Variants in RNF130 observed in about 807,000 individuals in gnomAD.
The protein encoded by RNF130 is E3 ubiquitin-protein ligase RNF130.
Under a neutral mutation model 44.6 loss-of-function variants are expected in RNF130, and 21 were observed. The observed-to-expected ratio is 0.47, with a 90% CI of 0.33 to 0.68. The LOEUF (loss-of-function observed/expected upper bound fraction) is 0.68, where lower values mean the gene tolerates loss of function less well. Among genes scored for constraint, RNF130 ranks in the 30% least tolerant of loss-of-function variants. The probability of loss-of-function intolerance (pLI) is 0.02; values close to 1 mark genes in which losing one functional copy is unlikely to be tolerated. For synonymous variants in RNF130, 214 were observed against 210.4 expected, an observed-to-expected ratio of 1.02 and a Z score of -0.15; for missense variants, 479 against 560.6, an observed-to-expected ratio of 0.85 and a Z score of 1.47.
At chr5:180,004,158 TCCAGC>T (rs1405104512) in intron 3 of RNF130, among the ~76,000 whole-genome samples, 1 of 152,204 alleles carries the variant, frequency 6.6e-6, no homozygotes, top group East Asian at 1.9e-4. Context: ...TAAAAAGTGC[TCCAGC>T]CCCTAAAAGG....
chr5:180,034,466 A>C (rs1764203844), intron 2 of RNF130, among the ~76,000 whole-genome samples: 1 of 152,090 alleles, frequency 6.6e-6, no homozygotes, highest in Admixed American at 6.6e-5. Context: ...TATTTGATAG[A>C]CTGCACCAGC....
chr5:179,930,992 C>G (rs578089324), intron 7 of RNF130, among the ~76,000 whole-genome samples: 1 of 146,564 alleles, frequency 6.8e-6, no homozygotes, highest in South Asian at 2.1e-4. Flanking sequence ...GAGATTGCAC[C>G]ACTGCTCTCC....
At position 179,966,939 on chromosome 5, in the gene RNF130, T is replaced by A; in HGVS notation, c.1017A>T (p.Arg339=). The part of the protein sequence containing the change: ...ERLTRTQAVN[R]RSALGDLAGD... ...CGGCGAGGTCGCCGAGGGCTGATCT[T>A]CGGTTAACAGCTTGGGTTCTGGTGA... Residue 339 remains arginine, a synonymous_variant, in exon 7 of 9, where the codon CGA becomes CGT. Coordinates refer to ENST00000521389, the MANE Select transcript of RNF130 (RefSeq NM_018434.6). The A allele has an allele frequency of 1.2e-6, 2 of 1,614,246 alleles. No individual in the cohort carries two copies. The highest frequency in any genetic ancestry group is 1.7e-6 in the Non-Finnish European group (2 of 1,180,038).
intron 7 of RNF130, among the ~76,000 whole-genome samples, chr5:179,939,053 A>AC (rs1384039867): frequency 1.6e-4 from 25 of 152,026 alleles, no homozygotes; most frequent in Non-Finnish European, 2.8e-4. Flanking sequence ...ACATGGTGAG[A>AC]CCCCATCTCT....
intron 7 of RNF130, among the ~76,000 whole-genome samples, chr5:179,930,202 C>T (rs1175566924): frequency 6.6e-6 from 1 of 152,034 alleles, no homozygotes; most frequent in Non-Finnish European, 1.5e-5. Context: ...GGATTACAGG[C>T]ATCTGCCACC....
At chr5:179,935,590 A>G (rs1301104652) in intron 7 of RNF130, among the ~76,000 whole-genome samples, 2 of 151,952 alleles carry the variant, frequency 1.3e-5, no homozygotes, top group East Asian at 3.8e-4. Context: ...CATTACTAAC[A>G]TGTTGGGACT....
exon 8 of RNF130, chr5:179,918,634 CA>C (rs1761585122): frequency 6.6e-6 from 1 of 152,116 alleles, no homozygotes; most frequent in South Asian, 2.1e-4. Context: ...TGAAGCTGCT[CA>C]TTGAAAATAT....
At chr5:180,049,992 GCT>G (rs1409124033) in intron 1 of RNF130, among the ~76,000 whole-genome samples, 1 of 152,020 alleles carries the variant, frequency 6.6e-6, no homozygotes, top group African/African-American at 2.4e-5. Context: ...ATACCTCAAG[GCT>G]CTTAGTTTCC....
At chr5:179,991,384 T>C (rs1763078977) in intron 3 of RNF130, among the ~76,000 whole-genome samples, 1 of 152,270 alleles carries the variant, frequency 6.6e-6, no homozygotes, top group Non-Finnish European at 1.5e-5. Flanking sequence ...AATGACTAGA[T>C]GTCTTGCTAA....
In RNF130 at chr5:179,960,937, C is replaced by T. The variant is rs140967920; in HGVS notation, c.1244+2534G>A. On this transcript the variant is annotated intron_variant, in intron 8 of 8. Transcript: ENST00000521389. ...TAGATGTTGAAAAATTCATTAATAA[C>T]GAATAATTACAAATTTGTTTGCTAA... Among the ~76,000 whole-genome samples, 490 of 151,684 alleles carry T rather than the reference C, an allele frequency of 3.2e-3. 1 individual carries two copies. The highest frequency in any genetic ancestry group is 4.4e-3 in the Non-Finnish European group (301 of 67,866).
chr5:179,920,406 T>G (rs183617585), exon 8 of RNF130: 279 of 702,264 alleles, frequency 4.0e-4, no homozygotes, highest in Non-Finnish European at 6.0e-4. Context: ...GACAAGGAGT[T>G]TCGATGAAAG....
intron 7 of RNF130, among the ~76,000 whole-genome samples, chr5:179,945,900 C>T (rs1349759795): frequency 1.8e-5 from 1 of 55,536 alleles, no homozygotes; most frequent in Non-Finnish European, 3.2e-5. Context: ...AATAAATGCC[C>T]GGAGGGAAAA....
intron 3 of RNF130, among the ~76,000 whole-genome samples, chr5:180,002,789 G>A (rs1445148950): frequency 6.6e-6 from 1 of 152,040 alleles, no homozygotes; most frequent in Admixed American, 6.5e-5. Context: ...GTCATTCCTC[G>A]GATGCACCCC....
chr5:180,000,727 G>T (rs1034223607), intron 3 of RNF130, among the ~76,000 whole-genome samples: 1 of 152,078 alleles, frequency 6.6e-6, no homozygotes, highest in Non-Finnish European at 1.5e-5. Context: ...TCAGCTGCAG[G>T]ATTTGATTCT....
downstream of RNF130, among the ~76,000 whole-genome samples, chr5:179,950,218 T>C (rs143721554): frequency 6.1e-4 from 92 of 151,974 alleles, no homozygotes; most frequent in African/African-American, 2.2e-3. Context: ...GTTCAAGCAA[T>C]AGACTCTCCT....
At chr5:180,000,076 T>C (rs1470645126) in intron 3 of RNF130, among the ~76,000 whole-genome samples, 1 of 152,238 alleles carries the variant, frequency 6.6e-6, no homozygotes. Context: ...AATACTGTCT[T>C]TTCAAAATGT....
chr5:180,044,623 T>G (rs1336417630), intron 1 of RNF130, among the ~76,000 whole-genome samples: 1 of 152,074 alleles, frequency 6.6e-6, no homozygotes, highest in Non-Finnish European at 1.5e-5. Context: ...CATGGGGTCA[T>G]GAGTTCGAGA....
At chr5:180,013,798 T>C (rs1763651263) in intron 2 of RNF130, among the ~76,000 whole-genome samples, 1 of 152,210 alleles carries the variant, frequency 6.6e-6, no homozygotes, top group Non-Finnish European at 1.5e-5. Context: ...TCTAGGAACA[T>C]TCATGGAGTA....
At chr5:179,926,899 C>A (rs1188537977) in intron 7 of RNF130, among the ~76,000 whole-genome samples, 1 of 152,148 alleles carries the variant, frequency 6.6e-6, no homozygotes, top group Non-Finnish European at 1.5e-5. Flanking sequence ...TTGAGGGACA[C>A]CCAGTTGGCA....
Sources: gnomAD v4.1 joint callset for allele counts (sites outside exome capture counted in the v4.1 genomes callset) on GRCh38, gnomAD v4.1.1 for gene constraint, MANE v1.5 for transcripts, NCBI Gene and HGNC (gene_info 2026-07-23, HGNC 2026-07-21) for gene names.